Variants in MAP2 observed in about 807,000 individuals in gnomAD.
MAP2 encodes the protein microtubule associated protein 2.
In MAP2, 14 loss-of-function variants were observed where a neutral mutation model predicts 137.6. The observed-to-expected ratio is 0.10, with a 90% CI of 0.07 to 0.16. The LOEUF is 0.16. MAP2 is among the 10% of genes least tolerant of loss of function. MAP2 has a pLI of 1.00. For synonymous variants in MAP2, 786 were observed against 782.3 expected (o/e 1.00, Z -0.08); for missense variants, 2,088 against 2,191.5 (o/e 0.95, Z 0.94).
At chr2:209,641,655 C>G (rs2094031469) in intron 4 of MAP2, among the ~76,000 whole-genome samples, 1 of 149,614 alleles carries the variant, frequency 6.7e-6, no homozygotes, top group South Asian at 2.1e-4. Context: ...AAATGCAAGT[C>G]CTTAATTCCT....
rs1359688342 is a variant in MAP2, at chr2:209,694,092, C to G, written c.1922C>G (p.Ala641Gly). 1 of 1,613,728 alleles carries G rather than the reference C, an allele frequency of 6.2e-7. No individual in the cohort carries two copies. Among genetic ancestry groups the G allele is most frequent in the Non-Finnish European group, 8.5e-7 (1 of 1,179,854 alleles). ...CAAGAAGCAGGGTACAGCACTCTCG[C>G]ACAGAGTTATCCATCAGATTTACCT... The part of the protein sequence containing the change: ...PAQEAGYSTL[A>G]QSYPSDLPEE... The change falls in exon 8 of 16, where the codon GCA (alanine) becomes GGA (glycine). Residue 641 changes from alanine to glycine, a missense_variant. Physicochemically the swap from Ala to Gly is moderately conservative, Grantham distance 60. Transcript: ENST00000682079.
chr2:209,676,719 T>TTA (rs1216642266), intron 5 of MAP2, among the ~76,000 whole-genome samples: 1 of 61,678 alleles, frequency 1.6e-5, no homozygotes, highest in Non-Finnish European at 2.9e-5. Context: ...GACACAAAGG[T>TTA]CATATATATA....
intron 11 of MAP2, chr2:209,704,550 A>G (rs2062797634): frequency 6.2e-7 from 1 of 1,612,762 alleles, no homozygotes; most frequent in East Asian, 2.2e-5. Flanking sequence ...ACATTTTCTG[A>G]CAGTTTATTA....
chr2:209,584,214 C>T (rs150167012), intron 3 of MAP2, among the ~76,000 whole-genome samples: 2 of 152,060 alleles, frequency 1.3e-5, no homozygotes, highest in African/African-American at 4.8e-5. Context: ...GAATGGGACT[C>T]AACAGGAAAT....
chr2:209,572,229 A>G (rs1426066690), intron 2 of MAP2, among the ~76,000 whole-genome samples: 1 of 152,064 alleles, frequency 6.6e-6, no homozygotes, highest in African/African-American at 2.4e-5. Context: ...TCTTCACCCT[A>G]CTTGGTTGGA....
rs191115678 is a variant in MAP2, at chr2:209,488,023, C to T, written c.-221-19569C>T. On this transcript the variant is annotated intron_variant, in intron 1 of 15. Transcript: ENST00000682079. Reference sequence around the variant, plus strand: ...CAAGACGGCCAAACAGGAACAGCTCCGGTCTGCAGCTCTCAGAGAGACCAG... The same window carrying T: ...CAAGACGGCCAAACAGGAACAGCTCTGGTCTGCAGCTCTCAGAGAGACCAG... Among the ~76,000 whole-genome samples, 622 of 152,324 alleles carry T rather than the reference C, an allele frequency of 4.1e-3. 3 individuals carry two copies. Among genetic ancestry groups the T allele is most frequent in the African/African-American group, 0.014 (582 of 41,576 alleles).
chr2:209,485,007 C>G (rs1379519347), intron 1 of MAP2, among the ~76,000 whole-genome samples: 2 of 152,228 alleles, frequency 1.3e-5, no homozygotes, highest in Non-Finnish European at 2.9e-5. Context: ...GTGGCAGACA[C>G]ACAACAGAAG....
chr2:209,695,029 G>A lies in MAP2; in HGVS notation c.2859G>A (p.Glu953=). The change falls in exon 8 of 16, where the codon GAG becomes GAA. Residue 953 remains glutamate, a synonymous_variant. Coordinates refer to ENST00000682079, the MANE Select transcript of MAP2 (RefSeq NM_001375505.1). ...GACTGAGTAAGGAGTTTGACCAAGA[G>A]AAGAAAGCTAATGATAGGTTGGATA... The part of the protein sequence containing the change: ...KSGLSKEFDQ[E]KKANDRLDTV... 6.2e-7 allele frequency: 1 copy of A among 1,614,146 alleles called. No individual in the cohort carries two copies. Among genetic ancestry groups the A allele is most frequent in the Non-Finnish European group, 8.5e-7 (1 of 1,180,032 alleles).
chr2:209,729,008 C>G (rs2075135935), intron 14 of MAP2, among the ~76,000 whole-genome samples: 1 of 152,178 alleles, frequency 6.6e-6, no homozygotes, highest in African/African-American at 2.4e-5. Context: ...AGGACAGGCT[C>G]AAGGACAACG....
intron 13 of MAP2, among the ~76,000 whole-genome samples, chr2:209,715,276 A>T (rs974818396): frequency 6.6e-6 from 1 of 152,154 alleles, no homozygotes; most frequent in African/African-American, 2.4e-5. Flanking sequence ...ATATTATAGC[A>T]TCAATCTTGG....
chr2:209,517,810 G>A (rs191998718), intron 2 of MAP2, among the ~76,000 whole-genome samples: 1 of 151,828 alleles, frequency 6.6e-6, no homozygotes, highest in African/African-American at 2.4e-5. Context: ...TCAAAAAATA[G>A]AAAAGTATAT....
intron 2 of MAP2, among the ~76,000 whole-genome samples, chr2:209,564,813 T>G (rs2073048636): frequency 6.6e-6 from 1 of 152,180 alleles, no homozygotes; most frequent in Non-Finnish European, 1.5e-5. Flanking sequence ...CTTTTTTTCC[T>G]TTCATTTCTG....
At chr2:209,652,421 T>C (rs1318047021) in intron 4 of MAP2, among the ~76,000 whole-genome samples, 3 of 152,206 alleles carry the variant, frequency 2.0e-5, no homozygotes, top group Admixed American at 1.3e-4. Context: ...TCTTAGTCTA[T>C]AGATAGGGTC....
rs545606921 is a variant in MAP2 at position 209,474,840 on chromosome 2, G to A, written c.-221-32752G>A. Among the ~76,000 whole-genome samples, 16 of 151,908 alleles carry A rather than the reference G, an allele frequency of 1.1e-4. No homozygotes were observed. In the East Asian group the frequency reaches 3.1e-3, roughly 29 times the overall value. ...TGCAAACAATTTAAATCTATAAATA[G>A]GCATGAGGAAAACATATATATTTTT... On this transcript the variant is annotated intron_variant, in intron 1 of 15. Transcript: ENST00000682079.
At chr2:209,535,546 C>CTTGGCAAAG (rs1553577487) in intron 2 of MAP2, among the ~76,000 whole-genome samples, 2 of 149,798 alleles carry the variant, frequency 1.3e-5, no homozygotes, top group African/African-American at 4.9e-5. Flanking sequence ...CCCTTGCAGT[C>CTTGGCAAAG]TGGCAAAGTG....
intron 1 of MAP2, among the ~76,000 whole-genome samples, chr2:209,431,022 T>C (rs1694121200): frequency 6.6e-6 from 1 of 152,174 alleles, no homozygotes; most frequent in Admixed American, 6.5e-5. Context: ...TTTGTTTAAG[T>C]TCTTATAGCT....
chr2:209,664,285 T>C (rs2045177044), intron 5 of MAP2, among the ~76,000 whole-genome samples: 1 of 152,126 alleles, frequency 6.6e-6, no homozygotes, highest in Admixed American at 6.5e-5. Flanking sequence ...CATGGTGGCT[T>C]GCGCCTGTAA....
chr2:209,717,205 G>A (rs1430341085), intron 13 of MAP2, among the ~76,000 whole-genome samples: 2 of 152,132 alleles, frequency 1.3e-5, no homozygotes, highest in Non-Finnish European at 2.9e-5. Context: ...GCTTAACAGG[G>A]CGCATGACTG....
intron 2 of MAP2, among the ~76,000 whole-genome samples, chr2:209,515,703 A>G (rs532374553): frequency 6.6e-6 from 1 of 152,284 alleles, no homozygotes. Context: ...CCATATCAGT[A>G]GGTATTTGGA....
Sources: allele counts gnomAD v4.1 joint callset (sites outside exome capture counted in the v4.1 genomes callset), GRCh38; gene constraint gnomAD v4.1.1; transcripts MANE v1.5; gene names NCBI Gene and HGNC (gene_info 2026-07-23, HGNC 2026-07-21).